The following JMJD1C variants were observed in gnomAD, a reference collection of about 807,000 sequenced individuals.
The protein encoded by JMJD1C is jumonji domain-containing protein 1C.
JMJD1C carries 31 observed loss-of-function variants against 245.3 expected under a neutral mutation model. The observed-to-expected ratio is 0.13, with a 90% CI of 0.09 to 0.17. The LOEUF (loss-of-function observed/expected upper bound fraction) is 0.17, where lower values mean the gene tolerates loss of function less well. Among genes scored for constraint, JMJD1C ranks in the 10% least tolerant of loss-of-function variants. The probability of loss-of-function intolerance (pLI) is 1.00; values close to 1 mark genes in which losing one functional copy is unlikely to be tolerated. For missense variants in JMJD1C, 2,691 were observed against 3,000.2 expected, an observed-to-expected ratio of 0.90 and a Z score of 2.41; for synonymous variants, 1,057 against 1,017.4, an observed-to-expected ratio of 1.04 and a Z score of -0.74.
At chr10:63,245,976 AAG>A (rs2133566766) in intron 3 of JMJD1C, among the ~76,000 whole-genome samples, 1 of 152,310 alleles carries the variant, frequency 6.6e-6, no homozygotes, top group East Asian at 1.9e-4. Context: ...CAACAGAATG[AAG>A]AGAGGAAAGA....
At chr10:63,269,293 A>G in intron 2 of JMJD1C, 1 of 776,688 alleles carries the variant, frequency 1.3e-6, no homozygotes, top group Non-Finnish European at 1.6e-6. Context: ...ATCCCCCGTC[A>G]CAGGTGCTGA....
chr10:63,293,768 G>A (rs1859047147), intron 2 of JMJD1C, among the ~76,000 whole-genome samples: 1 of 144,680 alleles, frequency 6.9e-6, no homozygotes, highest in South Asian at 2.3e-4. Flanking sequence ...ACCATATTCT[G>A]ATGCTTTCCC....
intron 2 of JMJD1C, among the ~76,000 whole-genome samples, chr10:63,271,864 CAA>C (rs889227603): frequency 6.6e-6 from 1 of 152,046 alleles, no homozygotes; most frequent in Non-Finnish European, 1.5e-5. Context: ...CACTTGAGGT[CAA>C]GAGTTTGAGA....
chr10:63,188,396 C>T (rs781742191), intron 18 of JMJD1C, among the ~76,000 whole-genome samples: 1 of 152,098 alleles, frequency 6.6e-6, no homozygotes, highest in Admixed American at 6.5e-5. Context: ...GGATTAGTAA[C>T]CTAAAAAGAT....
At chr10:63,236,996 G>A (rs564147681) in intron 3 of JMJD1C, among the ~76,000 whole-genome samples, 4 of 149,298 alleles carry the variant, frequency 2.7e-5, no homozygotes, top group South Asian at 2.2e-4. Context: ...CATATACATC[G>A]TGTCAATGAT....
intron 1 of JMJD1C, among the ~76,000 whole-genome samples, chr10:63,514,369 A>G (rs111679525): frequency 2.6e-4 from 39 of 152,320 alleles, no homozygotes; most frequent in African/African-American, 8.7e-4. Context: ...AACACATGGA[A>G]TTAACCTAGG....
chr10:63,256,906 G>C (rs1589302531), intron 3 of JMJD1C, among the ~76,000 whole-genome samples: 1 of 152,142 alleles, frequency 6.6e-6, no homozygotes, highest in Admixed American at 6.5e-5. Flanking sequence ...GAATGTGTTC[G>C]ACGCCTGTCA....
At chr10:63,437,396 C>T (rs1353872505) in intron 1 of JMJD1C, among the ~76,000 whole-genome samples, 1 of 152,144 alleles carries the variant, frequency 6.6e-6, no homozygotes, top group Non-Finnish European at 1.5e-5. Flanking sequence ...CTCTCACTAC[C>T]TAGCTACCTA....
intron 1 of JMJD1C, among the ~76,000 whole-genome samples, chr10:63,432,335 C>T (rs1387402049): frequency 6.6e-6 from 1 of 152,200 alleles, no homozygotes; most frequent in South Asian, 2.1e-4. Flanking sequence ...TTGGGACTAT[C>T]CCTAGTGTCC....
chr10:63,396,929 G>GT (rs1289435997), intron 1 of JMJD1C, among the ~76,000 whole-genome samples: 1,708 of 130,064 alleles, frequency 0.013, 12 homozygotes, highest in East Asian at 0.032. Flanking sequence ...CTGGTTTTTG[G>GT]TTTTTTTTTT....
chr10:63,345,519 C>G (rs930916032), intron 2 of JMJD1C, among the ~76,000 whole-genome samples: 20 of 142,418 alleles, frequency 1.4e-4, no homozygotes, highest in African/African-American at 4.7e-4. Flanking sequence ...AAAAAAGGAA[C>G]AAACTACCAA....
intron 1 of JMJD1C, among the ~76,000 whole-genome samples, chr10:63,412,441 T>G (rs1016063567): frequency 1.3e-5 from 2 of 152,218 alleles, no homozygotes; most frequent in African/African-American, 4.8e-5. Context: ...AGATCATTTC[T>G]TATTGCAATA....
At chr10:63,397,275 A>T (rs1414310117) in intron 1 of JMJD1C, among the ~76,000 whole-genome samples, 1 of 152,150 alleles carries the variant, frequency 6.6e-6, no homozygotes, top group East Asian at 1.9e-4. Context: ...GTGCAATGGC[A>T]CAATCTCAGC....
intron 2 of JMJD1C, among the ~76,000 whole-genome samples, chr10:63,363,203 G>A (rs1030151732): frequency 6.6e-6 from 1 of 150,476 alleles, no homozygotes; most frequent in Admixed American, 6.6e-5. Context: ...CTTGCCAACT[G>A]TGAGAAGTAT....
chr10:63,287,240 T>C (rs561353945), intron 2 of JMJD1C, among the ~76,000 whole-genome samples: 7 of 152,364 alleles, frequency 4.6e-5, no homozygotes, highest in South Asian at 4.1e-4. Flanking sequence ...CAAATATTCA[T>C]TGGAACATTT....
intron 1 of JMJD1C, among the ~76,000 whole-genome samples, chr10:63,389,004 C>T (rs554755001): frequency 3.3e-5 from 5 of 151,874 alleles, no homozygotes; most frequent in African/African-American, 1.2e-4. Context: ...AGCAGAGGAC[C>T]CAGATGTATA....
chr10:63,339,320 C>T (rs1014917412), intron 2 of JMJD1C, among the ~76,000 whole-genome samples: 1 of 152,094 alleles, frequency 6.6e-6, no homozygotes, highest in Non-Finnish European at 1.5e-5. Context: ...CATTCTTAGA[C>T]ATAAGATCAA....
intron 1 of JMJD1C, among the ~76,000 whole-genome samples, chr10:63,432,799 G>A (rs560042965): frequency 6.6e-6 from 1 of 152,276 alleles, no homozygotes; most frequent in South Asian, 2.1e-4. Flanking sequence ...CATTGTTGAT[G>A]TTTATTTTAC....
At chr10:63,267,898 G>T (rs1475690724) in intron 2 of JMJD1C, among the ~76,000 whole-genome samples, 1 of 152,078 alleles carries the variant, frequency 6.6e-6, no homozygotes, top group Non-Finnish European at 1.5e-5. Flanking sequence ...GGGGCTCCAT[G>T]CTGCACCACA....
Sources: gnomAD v4.1 joint callset for allele counts (sites outside exome capture counted in the v4.1 genomes callset) on GRCh38, gnomAD v4.1.1 for gene constraint, MANE v1.5 for transcripts, NCBI Gene and HGNC (gene_info 2026-07-23, HGNC 2026-07-21) for gene names.